Variants in LRCH1 observed in about 807,000 individuals in gnomAD.
LRCH1 encodes the protein leucine-rich repeat and calponin homology domain-containing protein 1.
Under a neutral mutation model 94.9 loss-of-function variants are expected in LRCH1, and 23 were observed. The ratio of observed to expected loss-of-function variants is 0.24; its 90% CI spans 0.17 to 0.34. The LOEUF is 0.34. Ranked by LOEUF, LRCH1 falls within the 10% of genes least tolerant of loss-of-function variation. LRCH1 has a pLI of 1.00. For synonymous variants in LRCH1, 364 were observed against 354.9 expected, an observed-to-expected ratio of 1.03 and a Z score of -0.29; for missense variants, 790 against 945.9, an observed-to-expected ratio of 0.84 and a Z score of 2.16.
intron 1 of LRCH1, among the ~76,000 whole-genome samples, chr13:46,600,792 A>T (rs547216551): frequency 1.7e-4 from 26 of 152,344 alleles, no homozygotes; most frequent in African/African-American, 5.8e-4. Context: ...AGTTTAACAA[A>T]TACTGAGCAC....
chr13:46,603,166 G>A (rs2050649877), intron 1 of LRCH1, among the ~76,000 whole-genome samples: 1 of 151,978 alleles, frequency 6.6e-6, no homozygotes, highest in Non-Finnish European at 1.5e-5. Context: ...TATGCACGGA[G>A]CAGAGACACG....
chr13:46,591,348 A>G (rs1188720434), intron 1 of LRCH1, among the ~76,000 whole-genome samples: 1 of 152,196 alleles, frequency 6.6e-6, no homozygotes, highest in African/African-American at 2.4e-5. Flanking sequence ...GTAAGGATAA[A>G]CCCTCATTAA....
chr13:46,668,672 T>C (rs1306231856), intron 2 of LRCH1, among the ~76,000 whole-genome samples: 1 of 137,974 alleles, frequency 7.2e-6, no homozygotes, highest in Non-Finnish European at 1.6e-5. Flanking sequence ...TTGTGCAGGA[T>C]GTGCTCTCCA....
intron 1 of LRCH1, among the ~76,000 whole-genome samples, chr13:46,613,081 T>A (rs1405930920): frequency 1.3e-5 from 2 of 152,212 alleles, no homozygotes; most frequent in South Asian, 4.1e-4. Context: ...ACCAGGTTTT[T>A]AATTTTCTTT....
intron 1 of LRCH1, among the ~76,000 whole-genome samples, chr13:46,642,767 G>A (rs1320262727): frequency 1.3e-5 from 2 of 152,188 alleles, no homozygotes; most frequent in Non-Finnish European, 2.9e-5. Context: ...TGGAGGGTTG[G>A]TTTAGGTAGA....
At chr13:46,592,827 C>G (rs1377905030) in intron 1 of LRCH1, among the ~76,000 whole-genome samples, 1 of 152,108 alleles carries the variant, frequency 6.6e-6, no homozygotes, top group African/African-American at 2.4e-5. Context: ...CCCGTCTTAC[C>G]TCTTTAGACT....
intron 1 of LRCH1, among the ~76,000 whole-genome samples, chr13:46,599,183 C>T (rs2050599525): frequency 6.6e-6 from 1 of 152,194 alleles, no homozygotes; most frequent in Non-Finnish European, 1.5e-5. Flanking sequence ...TTCCTTCCTT[C>T]TTAAGGCTGA....
chr13:46,717,510 A>T (rs990439019), intron 16 of LRCH1: 1 of 152,148 alleles, frequency 6.6e-6, no homozygotes, highest in African/African-American at 2.4e-5. Flanking sequence ...GGCAACAGAA[A>T]AATTTCTGTA....
chr13:46,655,923 C>T (rs1277883126), intron 2 of LRCH1, among the ~76,000 whole-genome samples: 3 of 152,162 alleles, frequency 2.0e-5, no homozygotes, highest in African/African-American at 7.2e-5. Context: ...ATTAGAAGCC[C>T]CAACCTCTCC....
intron 18 of LRCH1, among the ~76,000 whole-genome samples, chr13:46,730,482 A>C (rs1251853832): frequency 6.6e-6 from 1 of 152,160 alleles, no homozygotes; most frequent in Non-Finnish European, 1.5e-5. Context: ...CAGTGGCATG[A>C]TTTGTCCTAC....
At chr13:46,557,459 G>A (rs539263844) in intron 1 of LRCH1, among the ~76,000 whole-genome samples, 7 of 144,004 alleles carry the variant, frequency 4.9e-5, no homozygotes, top group African/African-American at 1.5e-4. Context: ...TGTAATCCCA[G>A]CACTTTGGGA....
chr13:46,565,812 A>AAATAAT (rs3068690), intron 1 of LRCH1, among the ~76,000 whole-genome samples: 18,112 of 139,956 alleles, frequency 0.13, 1,235 homozygotes, highest in Middle Eastern at 0.16. Context: ...TCTGTCTCCA[A>AAATAAT]AATAATAATA....
At chr13:46,623,492 C>G (rs529373586) in intron 1 of LRCH1, among the ~76,000 whole-genome samples, 1 of 152,158 alleles carries the variant, frequency 6.6e-6, no homozygotes, top group Non-Finnish European at 1.5e-5. Flanking sequence ...CAATCTCTAG[C>G]TTCCTTTATA....
At chr13:46,654,755 T>C (rs1039005507) in intron 2 of LRCH1, among the ~76,000 whole-genome samples, 3 of 152,332 alleles carry the variant, frequency 2.0e-5, no homozygotes, top group Middle Eastern at 3.4e-3. Context: ...CTTTAACAAA[T>C]AGGCAAGTAT....
chr13:46,628,112 A>C (rs1262904584), intron 1 of LRCH1, among the ~76,000 whole-genome samples: 1 of 152,330 alleles, frequency 6.6e-6, no homozygotes, highest in East Asian at 1.9e-4. Flanking sequence ...TAACAAAAAC[A>C]ATGAAAACCA....
chr13:46,604,315 T>A (rs1594279243), intron 1 of LRCH1, among the ~76,000 whole-genome samples: 1 of 151,944 alleles, frequency 6.6e-6, no homozygotes. Flanking sequence ...AGAGGAGAGG[T>A]GTCAGAGCCT....
At chr13:46,671,924 A>G (rs181620996) in intron 3 of LRCH1, among the ~76,000 whole-genome samples, 4 of 152,194 alleles carry the variant, frequency 2.6e-5, no homozygotes, top group East Asian at 3.9e-4. Flanking sequence ...GGACACATCA[A>G]TGTCACCCAA....
intron 15 of LRCH1, 60 bp from the exon 16 acceptor site, chr13:46,715,500 T>G: frequency 2.2e-6 from 2 of 893,426 alleles, no homozygotes; most frequent in Non-Finnish European, 3.6e-6. Flanking sequence ...CTGCTGCCCC[T>G]TTGGTTTTTC....
intron 16 of LRCH1, 93 bp downstream of exon 16, chr13:46,715,757 A>C: frequency 2.6e-6 from 2 of 759,682 alleles, no homozygotes; most frequent in Non-Finnish European, 4.5e-6. Flanking sequence ...GATAGAGTAT[A>C]TTCACCTGCA....
Sources: gnomAD v4.1 joint callset for allele counts (sites outside exome capture counted in the v4.1 genomes callset) on GRCh38, gnomAD v4.1.1 for gene constraint, MANE v1.5 for transcripts, NCBI Gene and HGNC (gene_info 2026-07-23, HGNC 2026-07-21) for gene names.